The following CPEB2 variants were observed in gnomAD, a reference collection of about 807,000 sequenced individuals.
The protein encoded by CPEB2 is cytoplasmic polyadenylation element-binding protein 2.
A neutral mutation model predicts 93.6 loss-of-function variants in CPEB2; 56 were observed. The ratio of observed to expected loss-of-function variants is 0.60; its 90% confidence interval spans 0.48 to 0.75. The LOEUF (loss-of-function observed/expected upper bound fraction) is 0.75. Ranked by LOEUF, CPEB2 falls within the 30% of genes least tolerant of loss-of-function variation. CPEB2 has a pLI of 0.00. For synonymous variants in CPEB2, 764 were observed against 586.3 expected, an observed-to-expected ratio of 1.30 and a Z score of -4.38; for missense variants, 1,579 against 1,395.1, an observed-to-expected ratio of 1.13 and a Z score of -2.10.
intron 10 of CPEB2, among the ~76,000 whole-genome samples, chr4:15,059,544 C>A (rs75756771): frequency 0.014 from 2,175 of 152,228 alleles, 22 homozygotes; most frequent in Non-Finnish European, 0.02. Context: ...TAACTCAAAG[C>A]AAATCTATAA....
intron 4 of CPEB2, among the ~76,000 whole-genome samples, chr4:15,018,394 A>G (rs1199227575): frequency 1.3e-5 from 2 of 151,602 alleles, no homozygotes; most frequent in Admixed American, 6.6e-5. Flanking sequence ...CTGAGGGGAT[A>G]TTAGTGATTG....
At position 15,002,578 on chromosome 4, in the gene CPEB2, C is replaced by G. The variant is rs1031959530; in HGVS notation, c.-96C>G. 12 of 1,035,344 alleles carry G rather than the reference C, an allele frequency of 1.2e-5. No homozygotes were observed. Among genetic ancestry groups the G allele is most frequent in the Non-Finnish European group, 1.6e-5 (12 of 743,150 alleles). 64.1% of individuals were successfully genotyped at this position (1,035,344 alleles called of 1,614,324 possible). Reference sequence around the variant, plus strand: ...GGTGTCCCTCTCTCACTGACTCCCCCTCCTTCCACCACGGCCGCGCAACCC... The same window carrying G: ...GGTGTCCCTCTCTCACTGACTCCCCGTCCTTCCACCACGGCCGCGCAACCC... On this transcript the variant is annotated 5_prime_UTR_variant, in exon 1 of 12. Coordinates refer to ENST00000538197, the MANE Select transcript of CPEB2 (RefSeq NM_001177382.2).
rs924129672 is a variant in CPEB2 at position 15,003,166 on chromosome 4, G to A, written c.493G>A (p.Asp165Asn). The part of the protein sequence containing the change: ...CCCCRTSSPQ[D>N]FSKRQQQQLS... ...CTGCTGCCGCACCTCCTCCCCGCAG[G>A]ACTTCAGTAAGCGGCAGCAGCAGCA... Residue 165 changes from aspartate to asparagine, a missense_variant, in exon 1 of 12, where the codon GAC becomes AAC. Around this residue, in one of 2 missense-constraint regions of CPEB2, gnomAD observed 1,411 missense variants for 1,056.0 expected, o/e 1.34. Coordinates refer to ENST00000538197, the MANE Select transcript of CPEB2 (RefSeq NM_001177382.2). The A allele has an allele frequency of 3.9e-6, 6 of 1,534,186 alleles. No individual in the cohort carries two copies. Among genetic ancestry groups the A allele is most frequent in the African/African-American group, 1.4e-5 (1 of 72,714 alleles).
At chr4:15,010,005 T>C (rs1415292357) in intron 3 of CPEB2, among the ~76,000 whole-genome samples, 1 of 152,194 alleles carries the variant, frequency 6.6e-6, no homozygotes, top group Admixed American at 6.5e-5. Flanking sequence ...GATAAACTTA[T>C]CTGGTAAACT....
chr4:15,062,284 C>G (rs761380978), intron 11 of CPEB2, 24 bp downstream of exon 11: 2 of 1,575,626 alleles, frequency 1.3e-6, no homozygotes, highest in African/African-American at 2.7e-5. Flanking sequence ...TGGGAAATCA[C>G]TTATGTCCTA....
At chr4:15,007,176 C>A in intron 1 of CPEB2, 129 bp from the exon 2 acceptor site, 2 of 706,954 alleles carry the variant, frequency 2.8e-6, no homozygotes, top group Non-Finnish European at 4.2e-6. Flanking sequence ...ACTTTTATAA[C>A]CTAGAAAAGA....
rs371789063 is a variant in CPEB2, at chr4:15,024,503, T to C, written c.2125+7225T>C. Reference sequence around the variant, plus strand: ...AATCCTGTTCATTTGTATGATTGCCTTGATTTCTTACTTTATTTTTTTGTT... The same window carrying C: ...AATCCTGTTCATTTGTATGATTGCCCTGATTTCTTACTTTATTTTTTTGTT... On this transcript the variant is annotated intron_variant, in intron 4 of 11. Coordinates refer to ENST00000538197, the MANE Select transcript of CPEB2 (RefSeq NM_001177382.2). Among the ~76,000 whole-genome samples the C allele has an allele frequency of 3.3e-5, 5 of 152,158 alleles. No individual in the cohort carries two copies. The East Asian group carries it at 7.7e-4, about 23-fold the overall frequency.
intron 11 of CPEB2, among the ~76,000 whole-genome samples, chr4:15,065,151 G>T (rs73797794): frequency 0.098 from 14,937 of 151,936 alleles, 1,523 homozygotes; most frequent in African/African-American, 0.25. Context: ...GTTTGTTGTT[G>T]TTCTTACAAA....
In CPEB2 at chr4:15,059,170, T is replaced by C. The variant is rs954468574; in HGVS notation, c.2581-17T>C. ...AAGACATCAAGGGAGTAAGACCCAA[T>C]GTAATTTTCTTCATAGGTTCAAATA... On this transcript the variant is annotated splice_polypyrimidine_tract_variant and intron_variant, in intron 9 of 11. Transcript: ENST00000538197. 6.8e-7 allele frequency: 1 copy of C among 1,470,128 alleles called. No individual in the cohort carries two copies. Among genetic ancestry groups the C allele is most frequent in the Non-Finnish European group, 9.5e-7 (1 of 1,052,850 alleles). 91.1% of individuals were successfully genotyped at this position (1,470,128 alleles called of 1,614,324 possible). A position where few individuals can be genotyped will look rare whatever the true frequency, so the allele number is the denominator to read the frequency against.
intron 4 of CPEB2, among the ~76,000 whole-genome samples, chr4:15,022,337 A>T (rs992058641): frequency 2.0e-5 from 3 of 152,024 alleles, no homozygotes; most frequent in African/African-American, 7.2e-5. Flanking sequence ...CTCTTACAGG[A>T]CTCTTCCTTA....
At chr4:15,018,952 A>G (rs1724498488) in intron 4 of CPEB2, among the ~76,000 whole-genome samples, 1 of 144,812 alleles carries the variant, frequency 6.9e-6, no homozygotes, top group Non-Finnish European at 1.5e-5. Flanking sequence ...ATATATATAT[A>G]TATATATATA....
At chr4:15,065,981 ATT>A (rs1729673136) in intron 11 of CPEB2, among the ~76,000 whole-genome samples, 170 bp from the exon 12 acceptor site, 2 of 152,088 alleles carry the variant, frequency 1.3e-5, no homozygotes, top group South Asian at 4.1e-4. Context: ...ATTTTTATAG[ATT>A]TTTAAAGTGT....
In CPEB2 at chr4:15,066,678, G is replaced by A. The variant is rs555557987; in HGVS notation, c.*298G>A. On this transcript the variant is annotated 3_prime_UTR_variant, in exon 12 of 12. Coordinates refer to ENST00000538197, the MANE Select transcript of CPEB2 (RefSeq NM_001177382.2). ...AAAATTAGATATGAGAATGTTTTGCGTAGGGGCAACACAGTCTGCTGCTAT... is the reference window on the plus strand; with the variant it reads ...AAAATTAGATATGAGAATGTTTTGCATAGGGGCAACACAGTCTGCTGCTAT... The A allele has an allele frequency of 1.2e-4, 45 of 362,270 alleles. No homozygotes were observed. Among genetic ancestry groups the A allele is most frequent in the African/African-American group, 4.2e-4 (20 of 47,984 alleles). 22.4% of individuals were successfully genotyped at this position (362,270 alleles called of 1,614,324 possible).
chr4:15,059,351 C>T (rs773749250), intron 10 of CPEB2, 50 bp downstream of exon 10: 1 of 1,187,832 alleles, frequency 8.4e-7, no homozygotes, highest in East Asian at 2.3e-5. Context: ...TAAATATGTC[C>T]TAGTCAATTT....
chr4:15,032,641 A>G (rs1726237470), intron 4 of CPEB2, among the ~76,000 whole-genome samples: 1 of 152,116 alleles, frequency 6.6e-6, no homozygotes. Flanking sequence ...TGTTTTCATT[A>G]AACTAATTTA....
At position 15,016,919 on chromosome 4, in the gene CPEB2, T is replaced by C. The variant is rs193085655; in HGVS notation, c.2035-269T>C. 4.6e-5 allele frequency among the ~76,000 whole-genome samples: 7 copies of C among 152,118 alleles called. No homozygotes were observed. In the East Asian group the frequency reaches 1.3e-3, roughly 29 times the overall value. ...TATAGAGAAAAGTAACTATAGAAAT[T>C]ATTTTACTGTTTTGCATTAGTATTG... On this transcript the variant is annotated intron_variant, in intron 3 of 11. Coordinates refer to ENST00000538197, the MANE Select transcript of CPEB2 (RefSeq NM_001177382.2).
chr4:15,022,580 T>G (rs1325928307), intron 4 of CPEB2, among the ~76,000 whole-genome samples: 1 of 152,120 alleles, frequency 6.6e-6, no homozygotes, highest in Admixed American at 6.6e-5. Context: ...TTGACATTCT[T>G]TTTCCTTTGT....
chr4:15,003,447 G>T lies in CPEB2; in HGVS notation c.774G>T (p.Leu258=). The change falls in exon 1 of 12, where the codon CTG becomes CTT. Residue 258 remains leucine, a synonymous_variant. Coordinates refer to ENST00000538197, the MANE Select transcript of CPEB2 (RefSeq NM_001177382.2). ...CCCCGCGGCAGCGTCCGGCAGACCT[G>T]CCCCCGCTCCCGCAGCTCCCTCCCT... is the stretch of plus-strand genomic sequence containing the variant. The part of the protein sequence containing the change: ...DFAPRQRPAD[L]PPLPQLPPSP... The T allele has an allele frequency of 7.3e-7, 1 of 1,361,630 alleles. No homozygotes were observed. The highest frequency in any genetic ancestry group is 9.4e-7 in the Non-Finnish European group (1 of 1,067,170). 84.3% of individuals were successfully genotyped at this position (1,361,630 alleles called of 1,614,324 possible).
intron 10 of CPEB2, among the ~76,000 whole-genome samples, chr4:15,059,503 G>T (rs565054629): frequency 1.4e-4 from 21 of 152,134 alleles, no homozygotes; most frequent in Admixed American, 1.1e-3. Flanking sequence ...TGGAGAATTG[G>T]GTACTTATCT....
Sources: allele counts gnomAD v4.1 joint callset (sites outside exome capture counted in the v4.1 genomes callset), GRCh38; gene constraint gnomAD v4.1.1; regional missense constraint gnomAD v4.1.1; transcripts MANE v1.5; gene names NCBI Gene and HGNC (gene_info 2026-07-23, HGNC 2026-07-21).